Variants in MCTP1 observed in about 807,000 individuals in gnomAD.
MCTP1 encodes the protein multiple C2 and transmembrane domain-containing protein 1.
A neutral mutation model predicts 120.6 loss-of-function variants in MCTP1; 69 were observed. That is an observed-to-expected ratio of 0.57 (90% CI 0.47 to 0.70). MCTP1 has a LOEUF of 0.70. Ranked by LOEUF, MCTP1 falls within the 30% of genes least tolerant of loss-of-function variation. MCTP1 has a pLI of 0.00. For missense variants in MCTP1, 1,203 were observed against 1,248.8 expected, an observed-to-expected ratio of 0.96 and a Z score of 0.55; for synonymous variants, 529 against 493.1, an observed-to-expected ratio of 1.07 and a Z score of -0.96.
At chr5:94,969,391 G>C (rs1287300928) in intron 2 of MCTP1, among the ~76,000 whole-genome samples, 1 of 152,092 alleles carries the variant, frequency 6.6e-6, no homozygotes, top group Non-Finnish European at 1.5e-5. Context: ...AATGTAAATA[G>C]CTGTCTATTA....
At chr5:95,159,412 G>A (rs1745473463) in intron 1 of MCTP1, among the ~76,000 whole-genome samples, 1 of 152,118 alleles carries the variant, frequency 6.6e-6, no homozygotes, top group East Asian at 1.9e-4. Context: ...TAACTACTGT[G>A]TGCCAAGTAT....
At chr5:95,273,646 C>G (rs752322510) in intron 1 of MCTP1, among the ~76,000 whole-genome samples, 1 of 152,114 alleles carries the variant, frequency 6.6e-6, no homozygotes, top group Non-Finnish European at 1.5e-5. Flanking sequence ...AAAAGAGAAC[C>G]ATTTTATTCT....
chr5:95,269,942 A>T (rs1045142242), intron 1 of MCTP1, among the ~76,000 whole-genome samples: 2 of 152,192 alleles, frequency 1.3e-5, no homozygotes, highest in African/African-American at 4.8e-5. Context: ...AATGCCTAAG[A>T]GATAGATATA....
At chr5:95,025,710 C>T (rs1442282115) in intron 1 of MCTP1, among the ~76,000 whole-genome samples, 1 of 152,080 alleles carries the variant, frequency 6.6e-6, no homozygotes, top group African/African-American at 2.4e-5. Context: ...CTCAACTCCT[C>T]CTTCCCTCAT....
chr5:94,991,581 A>G (rs1326686366), intron 2 of MCTP1, among the ~76,000 whole-genome samples: 1 of 152,204 alleles, frequency 6.6e-6, no homozygotes, highest in African/African-American at 2.4e-5. Flanking sequence ...TTTAAGAAGA[A>G]AACAGCAGCT....
intron 17 of MCTP1, among the ~76,000 whole-genome samples, chr5:94,803,540 T>C (rs1026537132): frequency 6.6e-6 from 1 of 152,220 alleles, no homozygotes; most frequent in African/African-American, 2.4e-5. Flanking sequence ...ACTTGGCAGA[T>C]TTGAGAAGCA....
intron 2 of MCTP1, among the ~76,000 whole-genome samples, chr5:94,988,496 A>G (rs1830827021): frequency 6.6e-6 from 1 of 152,160 alleles, no homozygotes; most frequent in African/African-American, 2.4e-5. Flanking sequence ...TTTCAGTGAA[A>G]TGAAAGTGTT....
intron 2 of MCTP1, among the ~76,000 whole-genome samples, chr5:94,965,609 AC>A (rs1825403465): frequency 6.6e-6 from 1 of 152,164 alleles, no homozygotes; most frequent in Admixed American, 6.5e-5. Context: ...CTTAGTCTCA[AC>A]AGGTATTTGT....
intron 1 of MCTP1, among the ~76,000 whole-genome samples, chr5:95,250,221 C>T (rs756486100): frequency 4.6e-5 from 7 of 152,088 alleles, no homozygotes; most frequent in South Asian, 2.1e-4. Flanking sequence ...TAGCCTGTTA[C>T]GAAATGTTGA....
Position 95,097,761 on chromosome 5 carries a change from G to C in MCTP1, c.721-80277C>G, listed in dbSNP as rs138298492. On this transcript the variant is annotated intron_variant, in intron 1 of 22. Transcript: ENST00000515393. ...GTGGTAAGATTCAGGATGTATTTTG[G>C]GTAAAGGTGATCTAATAATAGATAG... is the stretch of plus-strand genomic sequence containing the variant. Among the ~76,000 whole-genome samples, 950 of 152,098 alleles carry C rather than the reference G, an allele frequency of 6.2e-3. 4 individuals carry two copies. Among genetic ancestry groups the C allele is most frequent in the Non-Finnish European group, 9.2e-3 (627 of 68,002 alleles).
In MCTP1 at chr5:94,871,453, A is replaced by G. The variant is rs771601829; in HGVS notation, c.2037-36T>C. The G allele has an allele frequency of 5.0e-6, 7 of 1,401,624 alleles. No homozygotes were observed. In the South Asian group the frequency reaches 7.0e-5, roughly 14 times the overall value. 86.8% of individuals were successfully genotyped at this position (1,401,624 alleles called of 1,614,324 possible). On this transcript the variant is annotated intron_variant, in intron 13 of 22. Transcript: ENST00000515393. ...AATATATGTAAGAAAAAAAGATTTC[A>G]TCAGTAGGAAACAACAACAAGAATA...
At chr5:94,791,052 C>A (rs1335954881) in intron 18 of MCTP1, among the ~76,000 whole-genome samples, 1 of 142,546 alleles carries the variant, frequency 7.0e-6, no homozygotes, top group Non-Finnish European at 1.5e-5. Context: ...GCAGGCAGAT[C>A]ACTTGGGGTC....
intron 10 of MCTP1, among the ~76,000 whole-genome samples, chr5:94,906,565 T>G (rs1391322248): frequency 6.6e-6 from 1 of 152,188 alleles, no homozygotes; most frequent in Non-Finnish European, 1.5e-5. Context: ...GATTTGCAAG[T>G]GGCTCTTTCA....
chr5:95,071,270 C>A (rs1019658), intron 1 of MCTP1, among the ~76,000 whole-genome samples: 137,760 of 152,230 alleles, frequency 0.9, 62,811 homozygotes, highest in Non-Finnish European at 0.97. Flanking sequence ...CTGAGGTACC[C>A]GCTGGCTTCG....
chr5:95,119,243 C>T (rs1758032366), intron 1 of MCTP1, among the ~76,000 whole-genome samples: 1 of 152,116 alleles, frequency 6.6e-6, no homozygotes, highest in Non-Finnish European at 1.5e-5. Flanking sequence ...ATTTGAGGAA[C>T]TATACAGACA....
chr5:94,708,841 T>A, intron 21 of MCTP1: 1 of 396,442 alleles, frequency 2.5e-6, no homozygotes, highest in Non-Finnish European at 4.6e-6. Context: ...ATAAAGGAGC[T>A]GCCCTGGGGG....
intron 1 of MCTP1, among the ~76,000 whole-genome samples, chr5:95,254,446 A>G (rs1471882456): frequency 6.6e-6 from 1 of 152,202 alleles, no homozygotes; most frequent in Non-Finnish European, 1.5e-5. Flanking sequence ...GCAAAATTCT[A>G]GCCCAGGCAG....
intron 1 of MCTP1, among the ~76,000 whole-genome samples, chr5:95,217,444 T>C (rs1753157140): frequency 6.6e-6 from 1 of 152,186 alleles, no homozygotes; most frequent in East Asian, 1.9e-4. Flanking sequence ...GTTCTAACTA[T>C]AGATAACTAT....
chr5:95,038,045 A>G, intron 1 of MCTP1: 1 of 733,492 alleles, frequency 1.4e-6, no homozygotes, highest in South Asian at 6.1e-5. Context: ...TCTCATTTAC[A>G]TATGAGTTTA....
Sources: gnomAD v4.1 joint callset for allele counts (sites outside exome capture counted in the v4.1 genomes callset) on GRCh38, gnomAD v4.1.1 for gene constraint, MANE v1.5 for transcripts, NCBI Gene and HGNC (gene_info 2026-07-23, HGNC 2026-07-21) for gene names.